CAB39L: variants seen among roughly 807,000 people sequenced by gnomAD.
CAB39L encodes calcium binding protein 39 like, also known as calcium-binding protein 39-like.
Under a neutral mutation model 39.1 loss-of-function variants are expected in CAB39L, and 23 were observed. The observed-to-expected ratio is 0.59, with a 90% CI of 0.42 to 0.83. The LOEUF is 0.83. Ranked by LOEUF, CAB39L falls within the 40% of genes least tolerant of loss-of-function variation. CAB39L has a pLI of 0.00. For missense variants in CAB39L, 366 were observed against 391.9 expected (o/e 0.93, Z 0.56); for synonymous variants, 126 against 137.2 (o/e 0.92, Z 0.57).
intron 9 of CAB39L, among the ~76,000 whole-genome samples, chr13:49,334,286 G>T (rs1374044104): frequency 6.6e-6 from 1 of 152,090 alleles, no homozygotes; most frequent in African/African-American, 2.4e-5. Flanking sequence ...ATTCCACTTA[G>T]ATTAGAAAGT....
chr13:49,348,666 A>C (rs1369907353), intron 7 of CAB39L, among the ~76,000 whole-genome samples: 1 of 152,134 alleles, frequency 6.6e-6, no homozygotes, highest in Non-Finnish European at 1.5e-5. Context: ...CCCCCAGCCC[A>C]CCCCAAGTGG....
At chr13:49,320,321 CA>C (rs1234955560) in intron 10 of CAB39L, among the ~76,000 whole-genome samples, 2 of 152,128 alleles carry the variant, frequency 1.3e-5, no homozygotes, top group Non-Finnish European at 2.9e-5. Context: ...TGAAACTACC[CA>C]GGACTTCTCC....
chr13:49,423,899 G>A (rs886664718), intron 3 of CAB39L, among the ~76,000 whole-genome samples: 40 of 152,224 alleles, frequency 2.6e-4, no homozygotes, highest in African/African-American at 8.9e-4. Flanking sequence ...AAATCTGTTC[G>A]GCAAATTTCT....
chr13:49,407,629 A>G (rs1015273491), intron 3 of CAB39L, among the ~76,000 whole-genome samples: 9 of 152,086 alleles, frequency 5.9e-5, no homozygotes, highest in African/African-American at 2.2e-4. Flanking sequence ...ATTTAGTGCT[A>G]TATTTTGAAT....
intron 3 of CAB39L, among the ~76,000 whole-genome samples, chr13:49,411,861 G>A (rs1956996985): frequency 6.6e-6 from 1 of 152,192 alleles, no homozygotes; most frequent in Admixed American, 6.5e-5. Context: ...AAGGGATCGA[G>A]GTCCTTTGTT....
chr13:49,418,916 C>T (rs1222972581), intron 3 of CAB39L, among the ~76,000 whole-genome samples: 1 of 152,162 alleles, frequency 6.6e-6, no homozygotes, highest in Admixed American at 6.5e-5. Flanking sequence ...TCTTTCACCT[C>T]ATGTATATTT....
chr13:49,340,867 G>A (rs1053129674), intron 8 of CAB39L, among the ~76,000 whole-genome samples: 4 of 152,280 alleles, frequency 2.6e-5, no homozygotes, highest in South Asian at 2.1e-4. Context: ...CTCAGAGCTC[G>A]CATTCAGGCC....
At chr13:49,334,053 C>T (rs1048019309) in intron 9 of CAB39L, among the ~76,000 whole-genome samples, 5 of 152,200 alleles carry the variant, frequency 3.3e-5, no homozygotes, top group Non-Finnish European at 5.9e-5. Context: ...TTGCTCCTCA[C>T]ATCAAATCTC....
chr13:49,439,876 CT>C (rs138219386), intron 1 of CAB39L, among the ~76,000 whole-genome samples: 8,939 of 109,914 alleles, frequency 0.081, 401 homozygotes, highest in East Asian at 0.19. Flanking sequence ...GCCACTTGTT[CT>C]TTTGAGAAGT....
chr13:49,433,567 G>T (rs150424970), intron 2 of CAB39L, among the ~76,000 whole-genome samples, 174 bp from the exon 3 acceptor site: 363 of 152,188 alleles, frequency 2.4e-3, no homozygotes, highest in Middle Eastern at 0.01. Flanking sequence ...TCAAGTGGCA[G>T]ACCTTTCAAA....
At chr13:49,383,200 G>T (rs1157348329) in intron 3 of CAB39L, among the ~76,000 whole-genome samples, 1 of 151,854 alleles carries the variant, frequency 6.6e-6, no homozygotes, top group African/African-American at 2.4e-5. Context: ...GATTATACAA[G>T]AAATAATTTT....
At chr13:49,432,499 AGTT>A (rs2138735516) in intron 3 of CAB39L, among the ~76,000 whole-genome samples, 1 of 152,184 alleles carries the variant, frequency 6.6e-6, no homozygotes, top group East Asian at 1.9e-4. Context: ...GATCTCTTTC[AGTT>A]GTTTGCTGTT....
intron 3 of CAB39L, among the ~76,000 whole-genome samples, chr13:49,390,541 T>C (rs556247509): frequency 1.4e-4 from 21 of 152,160 alleles, no homozygotes; most frequent in South Asian, 4.1e-4. Context: ...ATCAAGAATA[T>C]AAAAGAGAAA....
intron 9 of CAB39L, among the ~76,000 whole-genome samples, chr13:49,336,127 CAA>C (rs199728869): frequency 4.2e-4 from 48 of 115,458 alleles, no homozygotes; most frequent in Admixed American, 6.3e-4. Context: ...GTTTTTCTAG[CAA>C]AAAAAAAAAA....
chr13:49,329,596 T>A lies in CAB39L; in HGVS notation c.834+2351A>T, dbSNP rs183845753. ...ATATATATATATATATATATATATA[T>A]AATGATGTAATAAATATCTGGTGGC... On this transcript the variant is annotated intron_variant, in intron 10 of 10. Transcript: ENST00000409308. Among the ~76,000 whole-genome samples, 295 of 122,618 alleles carry A rather than the reference T, an allele frequency of 2.4e-3. 1 individual carries two copies. The highest frequency in any genetic ancestry group is 3.8e-3 in the South Asian group (14 of 3,660). The allele number at this position is 122,618 out of a possible 152,430, so 80.4% of individuals were successfully genotyped here. A position where few individuals can be genotyped will look rare whatever the true frequency, so the allele number is the denominator to read the frequency against.
chr13:49,342,760 T>TAGTCCAAACTG (rs1001367551), intron 8 of CAB39L, among the ~76,000 whole-genome samples: 1 of 152,210 alleles, frequency 6.6e-6, no homozygotes, highest in Non-Finnish European at 1.5e-5. Flanking sequence ...GAAATGTGGC[T>TAGTCCAAACTG]AGTCCAAACT....
chr13:49,343,433 G>A (rs1204881426), intron 8 of CAB39L, among the ~76,000 whole-genome samples: 3 of 152,156 alleles, frequency 2.0e-5, no homozygotes, highest in Non-Finnish European at 4.4e-5. Flanking sequence ...AAGCAAGCAC[G>A]AAGACTCTAA....
chr13:49,382,838 A>G lies in CAB39L; in HGVS notation c.73T>C (p.Leu25=). ...AEIVKILKDN[L]AILEKQDKKT... is the part of the protein sequence containing the mutation. ...TTGTCTTGCTTTTCCAAAATGGCCA[A>G]ATTGTCTTTCAGGATTTTCACAATT... Residue 25 remains leucine (L), a synonymous_variant, in exon 4 of 11, where the codon TTG becomes CTG. Coordinates refer to ENST00000409308, the MANE Select transcript of CAB39L (RefSeq NM_001079670.3). 6.2e-7 allele frequency: 1 copy of G among 1,611,684 alleles called. No individual in the cohort carries two copies. The highest frequency in any genetic ancestry group is 8.5e-7 in the Non-Finnish European group (1 of 1,178,972).
At chr13:49,347,781 C>T (rs1053292049) in intron 7 of CAB39L, among the ~76,000 whole-genome samples, 2 of 152,128 alleles carry the variant, frequency 1.3e-5, no homozygotes, top group Non-Finnish European at 2.9e-5. Context: ...TTCCAACACT[C>T]GGAGCCCGGA....
Sources: allele counts gnomAD v4.1 joint callset (sites outside exome capture counted in the v4.1 genomes callset), GRCh38; gene constraint gnomAD v4.1.1; transcripts MANE v1.5; gene names NCBI Gene and HGNC (gene_info 2026-07-23, HGNC 2026-07-21).